The following OCA2 variants were observed in gnomAD, a reference collection of about 807,000 sequenced individuals.
OCA2 encodes OCA2 melanosomal transmembrane protein, also known as P protein.
Under a neutral mutation model 100.2 loss-of-function variants are expected in OCA2, and 77 were observed. That is an observed-to-expected ratio of 0.77 (90% CI 0.64 to 0.93). OCA2 has a LOEUF of 0.93. Ranked by LOEUF, OCA2 falls within the 40% of genes least tolerant of loss-of-function variation. OCA2 has a pLI of 0.00. For missense variants in OCA2, 1,062 were observed against 1,089.1 expected (o/e 0.98, Z 0.35); for synonymous variants, 432 against 439.2 (o/e 0.98, Z 0.21).
chr15:28,002,748 C>T (rs2041967253), intron 9 of OCA2, among the ~76,000 whole-genome samples: 1 of 152,196 alleles, frequency 6.6e-6, no homozygotes, highest in African/African-American at 2.4e-5. Context: ...TCTGCTCTTA[C>T]ATGGATGTGA....
At chr15:27,889,057 G>A (rs1339642116) in intron 19 of OCA2, among the ~76,000 whole-genome samples, 1 of 152,144 alleles carries the variant, frequency 6.6e-6, no homozygotes, top group Non-Finnish European at 1.5e-5. Context: ...TCATGTCTGA[G>A]TATTAAACTA....
chr15:27,905,499 G>T (rs1237345943), intron 19 of OCA2, among the ~76,000 whole-genome samples: 1 of 152,208 alleles, frequency 6.6e-6, no homozygotes, highest in Admixed American at 6.5e-5. Flanking sequence ...ACCAGAACGG[G>T]CCAGGGGGAA....
chr15:27,734,261 A>G, the OCA2 span, among the ~76,000 whole-genome samples: 12 of 145,160 alleles, frequency 8.3e-5, no homozygotes, highest in South Asian at 4.4e-4. Flanking sequence ...ACAACTATCC[A>G]TGCACAAAAA....
intron 11 of OCA2, 69 bp downstream of exon 11, chr15:27,989,532 G>A (rs924681524): frequency 1.4e-5 from 18 of 1,259,748 alleles, no homozygotes; most frequent in East Asian, 7.0e-5. Context: ...GACCCTCAGC[G>A]GTGGAGGCCA....
intron 14 of OCA2, among the ~76,000 whole-genome samples, chr15:27,971,039 T>C (rs954094967): frequency 2.2e-5 from 3 of 138,290 alleles, no homozygotes; most frequent in African/African-American, 8.3e-5. Flanking sequence ...AACATAATTA[T>C]AATGTCCCAG....
chr15:27,753,381 G>A (rs1363004620), downstream of OCA2, among the ~76,000 whole-genome samples: 1 of 152,078 alleles, frequency 6.6e-6, no homozygotes, highest in East Asian at 1.9e-4. Flanking sequence ...GAACCTCGGG[G>A]GAGGCTGGGG....
chr15:28,056,449 G>A (rs1036015667), intron 2 of OCA2, among the ~76,000 whole-genome samples: 5 of 152,184 alleles, frequency 3.3e-5, no homozygotes, highest in South Asian at 2.1e-4. Context: ...CTCACTGGCC[G>A]GAAGCCAAAC....
intron 7 of OCA2, 68 bp from the exon 8 acceptor site, chr15:28,016,254 G>A: frequency 8.5e-7 from 1 of 1,176,910 alleles, no homozygotes; most frequent in African/African-American, 1.5e-5. Context: ...ATCTGGCACT[G>A]CTCGGTCTAG....
At chr15:27,968,249 G>A (rs2040646280) in intron 14 of OCA2, among the ~76,000 whole-genome samples, 1 of 152,016 alleles carries the variant, frequency 6.6e-6, no homozygotes, top group Non-Finnish European at 1.5e-5. Flanking sequence ...CATGAAGCTG[G>A]CCATCTGGCA....
Position 27,990,508 on chromosome 15 carries a change from T to C in OCA2, c.1116+68A>G, listed in dbSNP as rs1421413553. ...GTGAAAAAACCAGCGAAAGCCTGAA[T>C]CCTGGAACATCTTTGAGCTGACATC... On this transcript the variant is annotated intron_variant, in intron 10 of 23. Transcript: ENST00000354638. 2.7e-6 allele frequency: 4 copies of C among 1,493,738 alleles called. No homozygotes were observed. The East Asian group carries it at 9.0e-5, about 34-fold the overall frequency. 92.5% of individuals were successfully genotyped at this position (1,493,738 alleles called of 1,614,324 possible). A position where few individuals can be genotyped will look rare whatever the true frequency, so the allele number is the denominator to read the frequency against.
At chr15:27,825,785 T>C (rs535134066) in intron 23 of OCA2, among the ~76,000 whole-genome samples, 2 of 152,190 alleles carry the variant, frequency 1.3e-5, no homozygotes, top group South Asian at 2.1e-4. Flanking sequence ...CCCGCAGTGA[T>C]TGGCCCCATG....
intron 2 of OCA2, among the ~76,000 whole-genome samples, chr15:28,044,149 A>G (rs2043281305): frequency 6.6e-6 from 1 of 152,222 alleles, no homozygotes; most frequent in East Asian, 1.9e-4. Flanking sequence ...TATGTGTACA[A>G]CTTGCTCAAC....
At chr15:27,884,922 G>A (rs929607661) in intron 19 of OCA2, among the ~76,000 whole-genome samples, 4 of 152,134 alleles carry the variant, frequency 2.6e-5, no homozygotes, top group East Asian at 1.9e-4. Flanking sequence ...TGCACAGATC[G>A]GTGGCCACTC....
chr15:28,021,141 A>G (rs950571437), intron 6 of OCA2, among the ~76,000 whole-genome samples: 20 of 152,182 alleles, frequency 1.3e-4, no homozygotes, highest in African/African-American at 4.8e-4. Flanking sequence ...CATCAAAAAT[A>G]TTTGCCTGAT....
chr15:27,921,800 A>C (rs1232597093), intron 19 of OCA2, among the ~76,000 whole-genome samples: 1 of 152,178 alleles, frequency 6.6e-6, no homozygotes, highest in Admixed American at 6.5e-5. Flanking sequence ...TCCCAGGAGC[A>C]TAGTGCTCCT....
At chr15:27,770,906 C>CCCTCCTCCCTCCCTCCTTTTT (rs2031748952) in intron 23 of OCA2, among the ~76,000 whole-genome samples, 1 of 139,336 alleles carries the variant, frequency 7.2e-6, no homozygotes, top group African/African-American at 2.7e-5. Flanking sequence ...CCTTTTCCTT[C>CCCTCCTCCCTCCCTCCTTTTT]CTTCCCTCCT....
intron 2 of OCA2, among the ~76,000 whole-genome samples, chr15:28,075,617 T>A (rs530159554): frequency 1.3e-5 from 2 of 152,226 alleles, no homozygotes; most frequent in Non-Finnish European, 2.9e-5. Context: ...TAAAAACCTG[T>A]ATGCCAATGC....
chr15:27,780,623 T>C (rs1204255217), intron 23 of OCA2, among the ~76,000 whole-genome samples: 1 of 152,224 alleles, frequency 6.6e-6, no homozygotes, highest in African/African-American at 2.4e-5. Context: ...ACTCGGGTAA[T>C]TAATTACAGG....
intron 18 of OCA2, among the ~76,000 whole-genome samples, chr15:27,933,352 A>C (rs1364272176): frequency 5.9e-5 from 8 of 136,136 alleles, no homozygotes; most frequent in Non-Finnish European, 9.5e-5. Flanking sequence ...AGGTAGATTA[A>C]GAGATTACCA....
Sources: gnomAD v4.1 joint callset for allele counts (sites outside exome capture counted in the v4.1 genomes callset) on GRCh38, gnomAD v4.1.1 for gene constraint, MANE v1.5 for transcripts, NCBI Gene and HGNC (gene_info 2026-07-23, HGNC 2026-07-21) for gene names.